The following ESRRA variants were observed in gnomAD, a reference collection of about 807,000 sequenced individuals.
ESRRA encodes estrogen related receptor alpha.
A neutral mutation model predicts 35.6 loss-of-function variants in ESRRA; 7 were observed. The ratio of observed to expected loss-of-function variants is 0.20; its 90% confidence interval spans 0.11 to 0.37. The LOEUF is 0.37. Ranked by LOEUF, ESRRA falls within the 10% of genes least tolerant of loss-of-function variation. The probability of loss-of-function intolerance (pLI) is 1.00; values close to 1 mark genes in which losing one functional copy is unlikely to be tolerated. For synonymous variants in ESRRA, 223 were observed against 246.9 expected (o/e 0.90, Z 0.91); for missense variants, 378 against 561.7 (o/e 0.67, Z 3.31).
At chr11:64,306,406 C>T (rs41294380) in intron 1 of ESRRA, 1,578 of 152,558 alleles carry the variant, frequency 0.01, 22 homozygotes, top group African/African-American at 0.036. Context: ...CCGCCGTGTG[C>T]CTGGGACCGG....
At chr11:64,309,164 T>G (rs539377089) in intron 2 of ESRRA, among the ~76,000 whole-genome samples, 1 of 149,482 alleles carries the variant, frequency 6.7e-6, no homozygotes, top group East Asian at 2.0e-4. Flanking sequence ...CTGGGCTTGG[T>G]GGCTCATGGC....
chr11:64,314,838 A>C lies in ESRRA; in HGVS notation c.669A>C (p.Pro223=). 1.9e-6 allele frequency: 3 copies of C among 1,612,436 alleles called. No individual in the cohort carries two copies. The South Asian group carries it at 3.3e-5, about 18-fold the overall frequency. The change falls in exon 5 of 7, where the codon CCA becomes CCC. Residue 223 remains proline, a synonymous_variant. Transcript: ENST00000000442. ...PDPAGPDGHL[P]AVATLCDLFD... is the part of the protein sequence containing the mutation. ...CCGCAGGCCCTGATGGGCACCTCCCAGCCGTGGCTACCCTCTGTGACCTCT... is the reference window on the plus strand; with the variant it reads ...CCGCAGGCCCTGATGGGCACCTCCCCGCCGTGGCTACCCTCTGTGACCTCT...
chr11:64,309,524 G>T (rs1207869002), intron 2 of ESRRA, among the ~76,000 whole-genome samples: 1 of 151,936 alleles, frequency 6.6e-6, no homozygotes, highest in Non-Finnish European at 1.5e-5. Context: ...AGAATTTGGG[G>T]GAATGAGCAA....
chr11:64,311,577 G>T (rs1313748421), intron 2 of ESRRA, among the ~76,000 whole-genome samples: 1 of 151,228 alleles, frequency 6.6e-6, no homozygotes, highest in Non-Finnish European at 1.5e-5. Context: ...CACCACGCAC[G>T]GCTAATTTTG....
chr11:64,307,276 C>G lies in ESRRA; in HGVS notation c.97C>G (p.Pro33Ala). The change falls in exon 2 of 7, where the codon CCT becomes GCT. Residue 33 changes from proline (P) to alanine (A), a missense_variant. By Grantham distance (27) the Pro-to-Ala change is conservative. Coordinates refer to ENST00000000442, the MANE Select transcript of ESRRA (RefSeq NM_004451.5). ...PKGSSETETE[P>A]PVALAPGPAP... ...GGGTTCCTCGGAGACAGAGACCGAG[C>G]CTCCTGTGGCCCTGGCCCCTGGTCC... is the stretch of plus-strand genomic sequence containing the variant. 1 of 1,613,482 alleles carries G rather than the reference C, an allele frequency of 6.2e-7. No individual in the cohort carries two copies. The highest frequency in any genetic ancestry group is 8.5e-7 in the Non-Finnish European group (1 of 1,179,864).
intron 2 of ESRRA, among the ~76,000 whole-genome samples, chr11:64,307,927 C>G (rs2135248990): frequency 6.6e-6 from 1 of 151,944 alleles, no homozygotes; most frequent in African/African-American, 2.4e-5. Flanking sequence ...GAGTCTCACT[C>G]TGTTGTTCAG....
intron 1 of ESRRA, chr11:64,306,174 A>AG (rs1378193435): frequency 6.6e-6 from 1 of 152,316 alleles, no homozygotes; most frequent in Non-Finnish European, 1.5e-5. Context: ...TCGCACCGGC[A>AG]GGGGAGAACT....
chr11:64,307,293 C>T lies in ESRRA; in HGVS notation c.114C>T (p.Ala38=), dbSNP rs769011427. Reference sequence around the variant, plus strand: ...AGACCGAGCCTCCTGTGGCCCTGGCCCCTGGTCCAGCTCCCACTCGCTGCC... The same window carrying T: ...AGACCGAGCCTCCTGTGGCCCTGGCTCCTGGTCCAGCTCCCACTCGCTGCC... The part of the protein sequence containing the change: ...ETETEPPVAL[A]PGPAPTRCLP... Residue 38 remains alanine, a synonymous_variant, in exon 2 of 7, where the codon GCC becomes GCT. Transcript: ENST00000000442. 6.2e-7 allele frequency: 1 copy of T among 1,613,386 alleles called. No homozygotes were observed. The highest frequency in any genetic ancestry group is 8.5e-7 in the Non-Finnish European group (1 of 1,179,886).
In ESRRA at chr11:64,316,042, C is replaced by G; in HGVS notation, c.*76C>G. The G allele has an allele frequency of 6.7e-7, 1 of 1,489,430 alleles. No homozygotes were observed. Among genetic ancestry groups the G allele is most frequent in the Non-Finnish European group, 9.0e-7 (1 of 1,109,130 alleles). 92.3% of individuals were successfully genotyped at this position (1,489,430 alleles called of 1,614,324 possible). ...GTCAGCCCCAAGGGCTGGGGCGGAG[C>G]TGGGGTCTGGGCAGTGCCACAGCCT... On this transcript the variant is annotated 3_prime_UTR_variant, in exon 7 of 7. Coordinates refer to ENST00000000442, the MANE Select transcript of ESRRA (RefSeq NM_004451.5).
At chr11:64,315,625 C>G in intron 6 of ESRRA, 82 bp from the exon 7 acceptor site, 1 of 1,542,854 alleles carries the variant, frequency 6.5e-7, no homozygotes, top group Non-Finnish European at 8.9e-7. Flanking sequence ...TTCCTTAGGC[C>G]CCATCCAGCA....
intron 4 of ESRRA, 94 bp from the exon 5 acceptor site, chr11:64,314,647 G>A: frequency 7.8e-7 from 1 of 1,277,854 alleles, no homozygotes; most frequent in Admixed American, 2.3e-5. Flanking sequence ...TGCTACTGAG[G>A]AAGGCCACAG....
chr11:64,314,491 T>C (rs2035201880), intron 4 of ESRRA, 124 bp downstream of exon 4: 2 of 1,233,856 alleles, frequency 1.6e-6, no homozygotes, highest in African/African-American at 1.5e-5. Flanking sequence ...CCCCAAGACA[T>C]GTGAAACTGC....
At chr11:64,309,137 A>C (rs1041164336) in intron 2 of ESRRA, among the ~76,000 whole-genome samples, 1 of 150,934 alleles carries the variant, frequency 6.6e-6, no homozygotes, top group African/African-American at 2.4e-5. Flanking sequence ...AAACAAAAAC[A>C]AAAAAACCCA....
intron 2 of ESRRA, among the ~76,000 whole-genome samples, chr11:64,309,155 T>C (rs1028910438): frequency 5.3e-5 from 8 of 149,606 alleles, no homozygotes; most frequent in African/African-American, 2.0e-4. Flanking sequence ...CCAAAAACGC[T>C]GGGCTTGGTG....
intron 2 of ESRRA, among the ~76,000 whole-genome samples, chr11:64,309,373 A>C (rs1280803044): frequency 6.7e-6 from 1 of 149,894 alleles, no homozygotes; most frequent in Non-Finnish European, 1.5e-5. Flanking sequence ...CAGAGGTTGC[A>C]GTGAGCTGAG....
intron 2 of ESRRA, among the ~76,000 whole-genome samples, chr11:64,312,145 AT>A (rs889610150): frequency 1.9e-4 from 26 of 135,032 alleles, no homozygotes; most frequent in African/African-American, 4.2e-4. Flanking sequence ...TGTCCGGCTA[AT>A]TTTTTTTTTT....
chr11:64,313,880 G>T lies in ESRRA; in HGVS notation c.326-71G>T. 1.8e-6 allele frequency: 2 copies of T among 1,084,362 alleles called. No homozygotes were observed. Among genetic ancestry groups the T allele is most frequent in the Non-Finnish European group, 2.7e-6 (2 of 744,382 alleles). The allele number at this position is 1,084,362 out of a possible 1,614,324, so 67.2% of individuals were successfully genotyped here. A position where few individuals can be genotyped will look rare whatever the true frequency, so the allele number is the denominator to read the frequency against. On this transcript the variant is annotated intron_variant, in intron 2 of 6. Coordinates refer to ENST00000000442, the MANE Select transcript of ESRRA (RefSeq NM_004451.5). This position sits in a 1 kb window ranked among gnomAD's most constrained non-coding sequence, Gnocchi z 4.0. ...CCTGTGCTTGCCCGGGGAGAGTCAG[G>T]GCTCTCCTGTCAGCTGGGTCCCCTC...
rs1419617904 is a variant in ESRRA at position 64,309,125 on chromosome 11, A to C, written c.325+1621A>C. 6.0e-5 allele frequency among the ~76,000 whole-genome samples: 9 copies of C among 150,548 alleles called. No individual in the cohort carries two copies. In the East Asian group the frequency reaches 1.8e-3, roughly 29 times the overall value. On this transcript the variant is annotated intron_variant, in intron 2 of 6. Coordinates refer to ENST00000000442, the MANE Select transcript of ESRRA (RefSeq NM_004451.5). ...AAACTCCACCTCAAAAAACAAAAAC[A>C]AAAACAAAAACAAAAAAACCCAAAA...
At chr11:64,314,689 T>G in intron 4 of ESRRA, 52 bp from the exon 5 acceptor site, 1 of 1,557,242 alleles carries the variant, frequency 6.4e-7, no homozygotes, top group Non-Finnish European at 8.7e-7. Context: ...GCTTGACCCC[T>G]GAGGCCTGAC....
Sources: allele counts gnomAD v4.1 joint callset (sites outside exome capture counted in the v4.1 genomes callset), GRCh38; gene constraint gnomAD v4.1.1; non-coding constraint Gnocchi (gnomAD v3.1); transcripts MANE v1.5; gene names NCBI Gene and HGNC (gene_info 2026-07-23, HGNC 2026-07-21).